The following ZNF429 variants were observed in gnomAD, a reference collection of about 807,000 sequenced individuals.
ZNF429 encodes zinc finger protein 429.
Under a neutral mutation model 56.8 loss-of-function variants are expected in ZNF429, and 53 were observed. The ratio of observed to expected loss-of-function variants is 0.93; its 90% CI spans 0.75 to 1.17. The LOEUF (loss-of-function observed/expected upper bound fraction) is 1.17. Among genes scored for constraint, ZNF429 ranks in the 50% most tolerant of loss-of-function variants. The pLI is 0.00. For synonymous variants in ZNF429, 278 were observed against 264.7 expected, an observed-to-expected ratio of 1.05 and a Z score of -0.49; for missense variants, 849 against 788.4, an observed-to-expected ratio of 1.08 and a Z score of -0.92.
intron 1 of ZNF429, 179 bp downstream of exon 1, chr19:21,505,953 C>T (rs912676070): frequency 2.7e-5 from 15 of 563,812 alleles, no homozygotes; most frequent in African/African-American, 2.5e-4. Context: ...TGCTGACAGC[C>T]GGGCCCCGGG....
At chr19:21,530,122 T>C in intron 2 of ZNF429, among the ~76,000 whole-genome samples, 1 of 145,108 alleles carries the variant, frequency 6.9e-6, no homozygotes, top group Non-Finnish European at 1.5e-5. Context: ...ACCCGGGAGG[T>C]GGAGCTTGCA....
intron 1 of ZNF429, among the ~76,000 whole-genome samples, chr19:21,515,797 C>T (rs2032711555): frequency 1.3e-5 from 2 of 152,074 alleles, no homozygotes; most frequent in African/African-American, 4.8e-5. Flanking sequence ...TTTCAGTCTT[C>T]TACATAATGT....
chr19:21,535,421 TTTC>T lies in ZNF429; in HGVS notation c.227-856_227-854del. Among the ~76,000 whole-genome samples the T allele has an allele frequency of 1.7e-3, 6 of 3,602 alleles. 1 individual carries two copies. The highest frequency in any genetic ancestry group is 6.8e-3 in the South Asian group (1 of 148). 2.4% of individuals were successfully genotyped at this position (3,602 alleles called of 152,430 possible). A position where few individuals can be genotyped will look rare whatever the true frequency, so the allele number is the denominator to read the frequency against. On this transcript the variant is annotated intron_variant, in intron 3 of 3. Coordinates refer to ENST00000358491, the MANE Select transcript of ZNF429 (RefSeq NM_001001415.4). ...TCTTTCTTTCTTTTTCTTTTCTTTC[TTTC>T]TTTCTTTCTTTCTTTCTTTCTTTCT...
At chr19:21,524,926 G>A (rs2681371) in intron 1 of ZNF429, among the ~76,000 whole-genome samples, 28,298 of 152,096 alleles carry the variant, frequency 0.19, 2,676 homozygotes, top group Middle Eastern at 0.22. Context: ...GGTAAAAGAC[G>A]AGGAGGAGGT....
chr19:21,508,614 C>T (rs2032300845), intron 1 of ZNF429, among the ~76,000 whole-genome samples: 1 of 151,708 alleles, frequency 6.6e-6, no homozygotes, highest in South Asian at 2.1e-4. Flanking sequence ...AAGAGGTGGG[C>T]TTCAGAAAAA....
At chr19:21,535,426 T>TTTCC in intron 3 of ZNF429, among the ~76,000 whole-genome samples, 1 of 10,126 alleles carries the variant, frequency 9.9e-5, no homozygotes, top group African/African-American at 5.1e-4. Flanking sequence ...CTTTCTTTCT[T>TTTCC]TCTTTCTTTC....
chr19:21,511,135 C>G (rs1196363950), intron 1 of ZNF429, among the ~76,000 whole-genome samples: 1 of 152,122 alleles, frequency 6.6e-6, no homozygotes, highest in Non-Finnish European at 1.5e-5. Context: ...CAGAGGGGCT[C>G]CTCACTTCCC....
intron 3 of ZNF429, among the ~76,000 whole-genome samples, chr19:21,534,765 G>T: frequency 1.1e-4 from 17 of 150,490 alleles, no homozygotes; most frequent in African/African-American, 3.4e-4. Flanking sequence ...AGAATCTCTT[G>T]CTTTCAGCTG....
chr19:21,535,385 C>T lies in ZNF429; in HGVS notation c.227-895C>T. Among the ~76,000 whole-genome samples the T allele has an allele frequency of 1.2e-3, 18 of 14,986 alleles. 2 individuals are homozygous for T. Among genetic ancestry groups the T allele is most frequent in the African/African-American group, 2.6e-3 (7 of 2,686 alleles). 9.8% of individuals were successfully genotyped at this position (14,986 alleles called of 152,430 possible). On this transcript the variant is annotated intron_variant, in intron 3 of 3. Coordinates refer to ENST00000358491, the MANE Select transcript of ZNF429 (RefSeq NM_001001415.4). ...TCTTTCTTTCTTTCTTTCTTTTTTA[C>T]TTTCTTTCTTTCTTTCTTTCTTTTT...
intron 1 of ZNF429, among the ~76,000 whole-genome samples, chr19:21,513,087 G>A (rs2032577750): frequency 6.6e-6 from 1 of 151,966 alleles, no homozygotes; most frequent in Non-Finnish European, 1.5e-5. Flanking sequence ...CAGCCAGGAT[G>A]GTCTCGATCT....
Position 21,536,902 on chromosome 19 carries a change from G to T in ZNF429, c.849G>T (p.Lys283Asn), listed in dbSNP as rs753687031. 2.5e-6 allele frequency: 4 copies of T among 1,609,802 alleles called. No homozygotes were observed. In the South Asian group the frequency reaches 4.4e-5, roughly 18 times the overall value. The change falls in exon 4 of 4, where the codon AAG (lysine) becomes AAT (asparagine). Residue 283 changes from lysine to asparagine, a missense_variant. Physicochemically the swap from Lys to Asn is moderately conservative, Grantham distance 94. Transcript: ENST00000358491. ...TTHKRIHSGE[K>N]PYKCDECGKT... Reference sequence around the variant, plus strand: ...ATAAGAGAATTCATTCTGGAGAGAAGCCCTACAAATGTGATGAATGTGGCA... The same window carrying T: ...ATAAGAGAATTCATTCTGGAGAGAATCCCTACAAATGTGATGAATGTGGCA...
intron 1 of ZNF429, among the ~76,000 whole-genome samples, chr19:21,508,522 A>G (rs2032296640): frequency 6.6e-6 from 1 of 152,146 alleles, no homozygotes; most frequent in Admixed American, 6.5e-5. Context: ...TTGTTCACTT[A>G]TATTGACTTC....
chr19:21,522,228 T>C (rs573938500), intron 1 of ZNF429, among the ~76,000 whole-genome samples: 1 of 152,314 alleles, frequency 6.6e-6, no homozygotes, highest in African/African-American at 2.4e-5. Flanking sequence ...TAGGAAAAGT[T>C]TATTTTGTCA....
At chr19:21,523,340 C>T (rs142607073) in intron 1 of ZNF429, among the ~76,000 whole-genome samples, 16 of 152,294 alleles carry the variant, frequency 1.1e-4, no homozygotes, top group African/African-American at 3.1e-4. Flanking sequence ...AAAGTTATTG[C>T]GGTTTTACCA....
intron 1 of ZNF429, among the ~76,000 whole-genome samples, chr19:21,509,862 A>T (rs1219275189): frequency 6.6e-6 from 1 of 152,180 alleles, no homozygotes; most frequent in African/African-American, 2.4e-5. Flanking sequence ...TAAGAGCTTT[A>T]AGGATTGCAA....
intron 1 of ZNF429, among the ~76,000 whole-genome samples, chr19:21,522,507 T>G (rs1226374539): frequency 6.6e-6 from 1 of 152,218 alleles, no homozygotes; most frequent in African/African-American, 2.4e-5. Flanking sequence ...TTCCAAACAC[T>G]ATCTAGAATT....
Position 21,537,024 on chromosome 19 carries a change from G to A in ZNF429, c.971G>A (p.Arg324Gln), listed in dbSNP as rs759376709. The change falls in exon 4 of 4, where the codon CGG becomes CAG. Residue 324 changes from arginine to glutamine, a missense_variant. Transcript: ENST00000358491. ...KCKECGKAFN[R>Q]SSTLTSHKRI... is the part of the protein sequence containing the mutation. ...AAAGAATGTGGCAAAGCCTTTAACC[G>A]GTCCTCAACCCTTACTAGCCATAAG... The A allele has an allele frequency of 2.7e-5, 44 of 1,608,052 alleles. No homozygotes were observed. The highest frequency in any genetic ancestry group is 2.5e-4 in the African/African-American group (18 of 73,150).
intron 1 of ZNF429, among the ~76,000 whole-genome samples, chr19:21,527,576 T>C (rs1365913392): frequency 6.6e-6 from 1 of 152,114 alleles, no homozygotes; most frequent in Admixed American, 6.5e-5. Flanking sequence ...ATACTACCAA[T>C]ATTGTAGCAG....
chr19:21,528,941 A>G (rs1210756986), intron 1 of ZNF429: 1 of 152,198 alleles, frequency 6.6e-6, no homozygotes, highest in Non-Finnish European at 1.5e-5. Context: ...GTTTTACTAT[A>G]GAGTTGATTA....
Sources: gnomAD v4.1 joint callset for allele counts (sites outside exome capture counted in the v4.1 genomes callset) on GRCh38, gnomAD v4.1.1 for gene constraint, MANE v1.5 for transcripts, NCBI Gene and HGNC (gene_info 2026-07-23, HGNC 2026-07-21) for gene names.